U2SURP: variants seen among roughly 807,000 people sequenced by gnomAD.
U2SURP encodes U2 snRNP-associated SURP motif-containing protein.
Under a neutral mutation model 144.9 loss-of-function variants are expected in U2SURP, and 9 were observed. The observed-to-expected ratio is 0.06, with a 90% CI of 0.04 to 0.11. U2SURP has a LOEUF of 0.11. U2SURP is among the 10% of genes least tolerant of loss of function. The pLI, the probability that U2SURP is intolerant of heterozygous loss-of-function variation, is 1.00. For missense variants in U2SURP, 724 were observed against 1,226.7 expected, an observed-to-expected ratio of 0.59 and a Z score of 6.12; for synonymous variants, 408 against 396.8, an observed-to-expected ratio of 1.03 and a Z score of -0.33.
rs1323019947 is a variant in U2SURP, at chr3:143,059,161, G to A, written c.*2711G>A. 1 of 152,336 alleles carries A rather than the reference G, an allele frequency of 6.6e-6. No individual in the cohort carries two copies. Among genetic ancestry groups the A allele is most frequent in the African/African-American group, 2.4e-5 (1 of 41,416 alleles). 9.4% of individuals were successfully genotyped at this position (152,336 alleles called of 1,614,324 possible). On this transcript the variant is annotated 3_prime_UTR_variant, in exon 28 of 28. Coordinates refer to ENST00000473835, the MANE Select transcript of U2SURP (RefSeq NM_001080415.2). Reference sequence around the variant, plus strand: ...ATAGTAAGCATATGGGAATTTCTGAGCTATAACATGTTGAGAAGTTAGAAA... The same window carrying A: ...ATAGTAAGCATATGGGAATTTCTGAACTATAACATGTTGAGAAGTTAGAAA...
intron 26 of U2SURP, among the ~76,000 whole-genome samples, chr3:143,054,585 C>T (rs1935051111): frequency 6.6e-6 from 1 of 152,198 alleles, no homozygotes; most frequent in African/African-American, 2.4e-5. Flanking sequence ...TCTGTCCCAC[C>T]TCCAACCATT....
Position 143,016,281 on chromosome 3 carries a change from A to C in U2SURP, c.346A>C (p.Ile116Leu). ...GGAGGATGAAAAGGCAGCTGCTGAG[A>C]TTTATGAGGAGTTTCTTGCTGCTTT... ...KKEDEKAAAE[I>L]YEEFLAAFEG... Residue 116 changes from isoleucine (I) to leucine (L), a missense_variant, in exon 5 of 28, where the codon ATT (isoleucine) becomes CTT (leucine). By Grantham distance (5) the Ile-to-Leu change is conservative (BLOSUM62 2). Coordinates refer to ENST00000473835, the MANE Select transcript of U2SURP (RefSeq NM_001080415.2). 6.2e-7 allele frequency: 1 copy of C among 1,613,312 alleles called. No individual in the cohort carries two copies. The highest frequency in any genetic ancestry group is 8.5e-7 in the Non-Finnish European group (1 of 1,179,416).
intron 2 of U2SURP, among the ~76,000 whole-genome samples, chr3:143,011,719 T>A (rs997861231): frequency 1.3e-5 from 2 of 152,176 alleles, no homozygotes; most frequent in African/African-American, 4.8e-5. Flanking sequence ...ACTATTTTAC[T>A]ACTTCATCAA....
chr3:143,029,296 C>G (rs1424497371), intron 16 of U2SURP, among the ~76,000 whole-genome samples: 1 of 152,206 alleles, frequency 6.6e-6, no homozygotes, highest in Non-Finnish European at 1.5e-5. Context: ...TCTGCAGATA[C>G]AGTGTGTTTT....
rs1935233506 is a variant in U2SURP, at chr3:143,058,149, A to T, written c.*1699A>T. On this transcript the variant is annotated 3_prime_UTR_variant, in exon 28 of 28. Transcript: ENST00000473835. ...AGTAACATGTTTTTCTCCCCTGCTC[A>T]TTGCCTGGGAGAATGGAATTTTATA... The T allele has an allele frequency of 6.6e-6, 1 of 152,352 alleles. No individual in the cohort carries two copies. Among genetic ancestry groups the T allele is most frequent in the African/African-American group, 2.4e-5 (1 of 41,430 alleles). 9.4% of individuals were successfully genotyped at this position (152,352 alleles called of 1,614,324 possible).
In U2SURP at chr3:143,032,770, C is replaced by T; in HGVS notation, c.1611-14C>T. 1.2e-6 allele frequency: 2 copies of T among 1,600,104 alleles called. No homozygotes were observed. The highest frequency in any genetic ancestry group is 2.3e-5 in the South Asian group (2 of 87,974). On this transcript the variant is annotated splice_polypyrimidine_tract_variant and intron_variant, in intron 16 of 27. Coordinates refer to ENST00000473835, the MANE Select transcript of U2SURP (RefSeq NM_001080415.2). ...GTATCTAAATATTTATAAGTTAAAA[C>T]AATTTATGTTCAGACAGAGGGATAA...
intron 14 of U2SURP, 58 bp downstream of exon 14, chr3:143,027,311 A>G (rs1430631601): frequency 9.2e-5 from 122 of 1,319,196 alleles, no homozygotes; most frequent in Non-Finnish European, 1.2e-5. Context: ...CATTTTAACT[A>G]TTTTTAAGTA....
At position 143,014,473 on chromosome 3, in the gene U2SURP, G is replaced by A. The variant is rs906750919; in HGVS notation, c.321+64G>A. The A allele has an allele frequency of 7.2e-6, 8 of 1,106,712 alleles. No homozygotes were observed. The African/African-American group carries it at 1.1e-4, about 16-fold the overall frequency. 68.6% of individuals were successfully genotyped at this position (1,106,712 alleles called of 1,614,324 possible). On this transcript the variant is annotated intron_variant, in intron 4 of 27. Coordinates refer to ENST00000473835, the MANE Select transcript of U2SURP (RefSeq NM_001080415.2). ...GAATGTGTCTAAGGGGTTAGTAAGT[G>A]TATTAGAGGAATGTTTCCCGAAGAT...
chr3:143,010,895 T>C (rs758623303), intron 2 of U2SURP, 36 bp downstream of exon 2: 17 of 1,562,590 alleles, frequency 1.1e-5, no homozygotes, highest in Non-Finnish European at 1.4e-5. Flanking sequence ...TTTTTTCCTT[T>C]AAAATTTAAC....
At chr3:143,052,821 C>A (rs1195153445) in intron 25 of U2SURP, among the ~76,000 whole-genome samples, 2 of 152,178 alleles carry the variant, frequency 1.3e-5, no homozygotes, top group African/African-American at 2.4e-5. Flanking sequence ...AAATTAAATT[C>A]CATTTAGTGA....
At chr3:143,028,763 T>A in intron 16 of U2SURP, 117 bp downstream of exon 16, 1 of 785,876 alleles carries the variant, frequency 1.3e-6, no homozygotes, top group Non-Finnish European at 2.0e-6. Context: ...TGTGAATGTT[T>A]AAAATAGTAA....
chr3:143,032,638 C>T, intron 16 of U2SURP, 146 bp from the exon 17 acceptor site: 1 of 597,762 alleles, frequency 1.7e-6, no homozygotes, highest in African/African-American at 1.9e-5. Context: ...TTTTGGGGGA[C>T]ACAACACAAA....
At chr3:143,042,630 T>C (rs1323672794) in intron 23 of U2SURP, among the ~76,000 whole-genome samples, 6 of 152,104 alleles carry the variant, frequency 3.9e-5, no homozygotes, top group Non-Finnish European at 7.4e-5. Flanking sequence ...CAGAAGTCCA[T>C]TGTATTATTC....
At chr3:143,024,294 A>G (rs1457905894) in intron 13 of U2SURP, among the ~76,000 whole-genome samples, 3 of 152,186 alleles carry the variant, frequency 2.0e-5, no homozygotes, top group African/African-American at 4.8e-5. Flanking sequence ...GAGTCAGACA[A>G]TAGACTATTG....
chr3:143,014,730 T>G (rs1265642430), intron 4 of U2SURP, among the ~76,000 whole-genome samples: 1 of 152,090 alleles, frequency 6.6e-6, no homozygotes, highest in East Asian at 1.9e-4. Context: ...TACAGTACAC[T>G]TTTTTCCTAC....
At chr3:143,046,269 T>C (rs1446003930) in intron 24 of U2SURP, among the ~76,000 whole-genome samples, 3 of 141,148 alleles carry the variant, frequency 2.1e-5, no homozygotes, top group Non-Finnish European at 3.0e-5. Flanking sequence ...GCCAGTTCTT[T>C]TTTTTTTTTT....
At chr3:143,028,292 G>A (rs1202145056) in intron 14 of U2SURP, 48 bp from the exon 15 acceptor site, 40 of 1,527,088 alleles carry the variant, frequency 2.6e-5, no homozygotes, top group Non-Finnish European at 3.4e-5. Context: ...ATTGAAGATA[G>A]CTCTTTGTTA....
At chr3:143,055,717 C>T (rs1935116834) in intron 27 of U2SURP, among the ~76,000 whole-genome samples, 1 of 151,820 alleles carries the variant, frequency 6.6e-6, no homozygotes, top group African/African-American at 2.4e-5. Context: ...GAATAGATAC[C>T]TTTCTCCTTT....
At chr3:143,047,409 C>A (rs1289913374) in intron 24 of U2SURP, among the ~76,000 whole-genome samples, 1 of 17,646 alleles carries the variant, frequency 5.7e-5, no homozygotes, top group Non-Finnish European at 1.1e-4. Context: ...GCAGAGGCGC[C>A]CCTCACCTCC....
Sources: allele counts gnomAD v4.1 joint callset (sites outside exome capture counted in the v4.1 genomes callset), GRCh38; gene constraint gnomAD v4.1.1; transcripts MANE v1.5; gene names NCBI Gene and HGNC (gene_info 2026-07-23, HGNC 2026-07-21).